CALHM4: variants seen among roughly 807,000 people sequenced by gnomAD.
CALHM4 encodes calcium homeostasis modulator protein 4.
A neutral mutation model predicts 13.3 loss-of-function variants in CALHM4; 16 were observed. The observed-to-expected ratio is 1.20, with a 90% CI of 0.81 to 1.82. The LOEUF is 1.82. Among genes scored for constraint, CALHM4 ranks in the 40% most tolerant of loss-of-function variants. CALHM4 has a pLI of 0.00. For synonymous variants in CALHM4, 127 were observed against 137.1 expected (o/e 0.93, Z 0.52); for missense variants, 344 against 374.9 (o/e 0.92, Z 0.68).
intron 1 of CALHM4, among the ~76,000 whole-genome samples, chr6:116,555,698 A>T (rs1311489085): frequency 6.6e-6 from 1 of 152,216 alleles, no homozygotes; most frequent in Non-Finnish European, 1.5e-5. Context: ...TTTCCATTTC[A>T]CTAGGCCATC....
intron 1 of CALHM4, chr6:116,543,202 C>A (rs1401365772): frequency 1.2e-6 from 1 of 805,904 alleles, no homozygotes; most frequent in African/African-American, 1.8e-5. Context: ...GACAGAAGAA[C>A]AGCTGGTGAA....
At chr6:116,543,823 A>G (rs985941557) in exon 2 of CALHM4, 3 of 1,534,358 alleles carry the variant, frequency 2.0e-6, no homozygotes, top group Admixed American at 2.0e-5. Flanking sequence ...AATGGCCCCC[A>G]GATCTGCCAA....
upstream of CALHM4, among the ~76,000 whole-genome samples, chr6:116,552,207 G>A (rs938644054): frequency 2.0e-5 from 3 of 152,118 alleles, no homozygotes; most frequent in Non-Finnish European, 4.4e-5. Flanking sequence ...ATATCTTCTG[G>A]TCTTTATTGT....
At chr6:116,554,384 G>A in intron 1 of CALHM4, 33 bp downstream of exon 1, 1 of 1,472,360 alleles carries the variant, frequency 6.8e-7, no homozygotes, top group African/African-American at 1.4e-5. Flanking sequence ...CCTCTGCTAT[G>A]TTATCCTATA....
chr6:116,537,936 T>C (rs1438666014), intron 1 of CALHM4, among the ~76,000 whole-genome samples: 1 of 152,242 alleles, frequency 6.6e-6, no homozygotes, highest in East Asian at 1.9e-4. Flanking sequence ...GTAATTTTCC[T>C]GTGGCTAATA....
chr6:116,540,626 C>T (rs1285919627), intron 1 of CALHM4, among the ~76,000 whole-genome samples: 1 of 151,978 alleles, frequency 6.6e-6, no homozygotes, highest in Non-Finnish European at 1.5e-5. Flanking sequence ...CTTATTCGCC[C>T]CACAGACCAC....
chr6:116,553,616 C>A (rs889102924), upstream of CALHM4: 12 of 620,822 alleles, frequency 1.9e-5, no homozygotes, highest in Middle Eastern at 4.1e-4. Context: ...TGTAATCAAT[C>A]TGAGCTCAGG....
intron 1 of CALHM4, among the ~76,000 whole-genome samples, chr6:116,535,820 G>A (rs909181004): frequency 4.6e-5 from 7 of 152,086 alleles, no homozygotes; most frequent in Non-Finnish European, 8.8e-5. Flanking sequence ...ATTAGTTTGT[G>A]GAAAAAACAC....
intron 1 of CALHM4, chr6:116,540,475 G>A (rs1773377427): frequency 6.5e-7 from 1 of 1,548,268 alleles, no homozygotes; most frequent in African/African-American, 1.4e-5. Context: ...GTGGATGACG[G>A]AAAGAGTGTG....
intron 1 of CALHM4, among the ~76,000 whole-genome samples, chr6:116,531,534 C>T (rs1294801819): frequency 6.6e-6 from 1 of 152,126 alleles, no homozygotes; most frequent in African/African-American, 2.4e-5. Context: ...AGGATTTTCC[C>T]ATTTTGGTTC....
intron 1 of CALHM4, among the ~76,000 whole-genome samples, chr6:116,531,958 A>G (rs1227174598): frequency 6.6e-6 from 1 of 151,818 alleles, no homozygotes; most frequent in Non-Finnish European, 1.5e-5. Context: ...TACCAAGTTG[A>G]GTTCGCTGTC....
intron 1 of CALHM4, chr6:116,540,348 T>A (rs570473457): frequency 6.5e-7 from 1 of 1,548,986 alleles, no homozygotes; most frequent in East Asian, 2.4e-5. Context: ...TTGACAGAGA[T>A]AAAAACATAG....
At chr6:116,543,445 G>C in intron 1 of CALHM4, 1 of 1,378,640 alleles carries the variant, frequency 7.3e-7, no homozygotes, top group Non-Finnish European at 9.9e-7. Context: ...AGTTATGACA[G>C]TATACTACTG....
upstream of CALHM4, among the ~76,000 whole-genome samples, chr6:116,550,927 C>T (rs9374612): frequency 0.38 from 57,057 of 152,056 alleles, 12,374 homozygotes; most frequent in East Asian, 0.54. Context: ...TGAACCACTT[C>T]CTTATCTAAT....
upstream of CALHM4, among the ~76,000 whole-genome samples, chr6:116,553,048 TG>T (rs1774151385): frequency 6.6e-6 from 1 of 152,238 alleles, no homozygotes; most frequent in Non-Finnish European, 1.5e-5. Flanking sequence ...CACTCCAGCC[TG>T]GGCGACAGAG....
chr6:116,558,157 G>T lies in CALHM4; in HGVS notation c.891G>T (p.Arg297Ser), dbSNP rs373277743. The T allele has an allele frequency of 6.2e-6, 10 of 1,613,932 alleles. No individual in the cohort carries two copies. In the African/African-American group the frequency reaches 1.3e-4, roughly 22 times the overall value. Residue 297 changes from arginine to serine, a missense_variant, in exon 2 of 2, where the codon AGG becomes AGT. Coordinates refer to ENST00000368596, the MANE Select transcript of CALHM4 (RefSeq NM_001366078.2). ...GTCACTATAGCTTCCTTGGAAATAG[G>T]GTGGATGAGGATAATGAGGAAGACA... ...LQGHYSFLGN[R>S]VDEDNEEDRS...
At chr6:116,534,430 G>A (rs1268023324) in intron 1 of CALHM4, among the ~76,000 whole-genome samples, 1 of 151,866 alleles carries the variant, frequency 6.6e-6, no homozygotes, top group African/African-American at 2.4e-5. Context: ...AGTCATAGCA[G>A]TCTTGTGCAT....
At chr6:116,536,237 CT>C (rs919494089) in intron 1 of CALHM4, among the ~76,000 whole-genome samples, 103 of 151,998 alleles carry the variant, frequency 6.8e-4, no homozygotes, top group African/African-American at 2.2e-3. Flanking sequence ...AACTTGGCAT[CT>C]TTTTTTTATA....
intron 1 of CALHM4, among the ~76,000 whole-genome samples, chr6:116,542,493 T>A (rs1773526707): frequency 6.6e-6 from 1 of 152,148 alleles, no homozygotes; most frequent in Non-Finnish European, 1.5e-5. Context: ...CCCTTCAATC[T>A]GCCTAGATAA....
Sources: gnomAD v4.1 joint callset for allele counts (sites outside exome capture counted in the v4.1 genomes callset) on GRCh38, gnomAD v4.1.1 for gene constraint, MANE v1.5 for transcripts, NCBI Gene and HGNC (gene_info 2026-07-23, HGNC 2026-07-21) for gene names.